The following TRPM7 variants were observed in gnomAD, a reference collection of about 807,000 sequenced individuals.
TRPM7 encodes the protein LTRPC ion channel family member 7.
In TRPM7, 134 loss-of-function variants were observed where a neutral mutation model predicts 229.7. The observed-to-expected ratio is 0.58, with a 90% CI of 0.51 to 0.67. The LOEUF is 0.67. Among genes scored for constraint, TRPM7 ranks in the 30% least tolerant of loss-of-function variants. The pLI is 0.00. For synonymous variants in TRPM7, 699 were observed against 715.2 expected, an observed-to-expected ratio of 0.98 and a Z score of 0.36; for missense variants, 1,901 against 2,210.0, an observed-to-expected ratio of 0.86 and a Z score of 2.80.
chr15:50,600,712 A>AT (rs991776811), intron 21 of TRPM7, among the ~76,000 whole-genome samples: 44 of 152,362 alleles, frequency 2.9e-4, no homozygotes, highest in African/African-American at 1.0e-3. Context: ...AAAGGGGACA[A>AT]TAAGTAGTCA....
chr15:50,641,465 C>G (rs1222772102), intron 5 of TRPM7, among the ~76,000 whole-genome samples: 1 of 152,254 alleles, frequency 6.6e-6, no homozygotes, highest in East Asian at 1.9e-4. Flanking sequence ...CAACTGTCAC[C>G]TTATCAGCTC....
chr15:50,626,989 C>T (rs571506781), intron 11 of TRPM7, among the ~76,000 whole-genome samples: 51 of 152,208 alleles, frequency 3.4e-4, no homozygotes, highest in African/African-American at 1.2e-3. Context: ...ACTGTGCATA[C>T]TTTTCTGCAA....
At chr15:50,672,188 G>C (rs886639386) in intron 1 of TRPM7, among the ~76,000 whole-genome samples, 2 of 151,874 alleles carry the variant, frequency 1.3e-5, no homozygotes, top group Non-Finnish European at 2.9e-5. Context: ...TGAGCAGCTG[G>C]GACTACAGGC....
Position 50,575,040 on chromosome 15 carries a change from T to C in TRPM7, c.4831A>G (p.Ile1611Val). The C allele has an allele frequency of 1.9e-6, 3 of 1,614,142 alleles. No homozygotes were observed. The highest frequency in any genetic ancestry group is 2.5e-6 in the Non-Finnish European group (3 of 1,179,990). The change falls in exon 34 of 39, where the codon ATA becomes GTA. Residue 1611 changes from isoleucine to valine, a missense_variant. By Grantham distance (29) the Ile-to-Val change is conservative. Coordinates refer to ENST00000646667, the MANE Select transcript of TRPM7 (RefSeq NM_017672.6). ...ATCTCCTCTTTGCTTAAAAACTCTA[T>C]TTTGGCACAGAGGCCTAGTTGTGAC... ...SWSQLGLCAK[I>V]EFLSKEEMGG...
At chr15:50,628,312 C>CT (rs374839323) in intron 10 of TRPM7, 63 bp from the exon 11 acceptor site, 87,637 of 918,210 alleles carry the variant, frequency 0.095, 396 homozygotes, top group African/African-American at 0.13. Flanking sequence ...AAGGTGAACA[C>CT]TTTTTTTTTT....
intron 1 of TRPM7, among the ~76,000 whole-genome samples, chr15:50,678,923 G>A (rs2062165583): frequency 6.6e-6 from 1 of 152,158 alleles, no homozygotes; most frequent in South Asian, 2.1e-4. Flanking sequence ...ACCCAGGCTG[G>A]AGTGCAATGG....
intron 1 of TRPM7, among the ~76,000 whole-genome samples, chr15:50,679,553 T>TTTTTTTTTTTTTTTA (rs2062198144): frequency 9.2e-6 from 1 of 108,960 alleles, no homozygotes; most frequent in African/African-American, 3.8e-5. Context: ...TTTTTTTTTT[T>TTTTTTTTTTTTTTTA]GAGACAGAGT....
chr15:50,604,926 C>G lies in TRPM7; in HGVS notation c.2928G>C (p.Leu976Phe). Residue 976 changes from leucine to phenylalanine, a missense_variant, in exon 21 of 39, where the codon TTG becomes TTC. Coordinates refer to ENST00000646667, the MANE Select transcript of TRPM7 (RefSeq NM_017672.6). ...CLNIIFWYVR[L>F]LDFLAVNQQA... ...GTTGATTTACAGCTAGAAAATCTAGCAAACGCACATACCAAAATATTATGT... is the reference window on the plus strand; with the variant it reads ...GTTGATTTACAGCTAGAAAATCTAGGAAACGCACATACCAAAATATTATGT... The G allele has an allele frequency of 6.2e-7, 1 of 1,613,026 alleles. No individual in the cohort carries two copies. The highest frequency in any genetic ancestry group is 8.5e-7 in the Non-Finnish European group (1 of 1,179,516).
At position 50,589,665 on chromosome 15, in the gene TRPM7, G is replaced by GA; in HGVS notation, c.4325-10dup. The stretch of plus-strand genomic sequence containing the variant: ...CATGCTATCTCTGTGTCCTTTAATA[G>GA]AAAAAAAGATGTTGCAATGAGAAAT... On this transcript the variant is annotated splice_polypyrimidine_tract_variant and intron_variant, in intron 26 of 38. Coordinates refer to ENST00000646667, the MANE Select transcript of TRPM7 (RefSeq NM_017672.6). 3 of 1,564,962 alleles carry GA rather than the reference G, an allele frequency of 1.9e-6. No homozygotes were observed. Among genetic ancestry groups the GA allele is most frequent in the Admixed American group, 2.0e-5 (1 of 51,216 alleles).
At chr15:50,578,102 T>G (rs923946256) in intron 31 of TRPM7, among the ~76,000 whole-genome samples, 1 of 152,160 alleles carries the variant, frequency 6.6e-6, no homozygotes, top group African/African-American at 2.4e-5. Flanking sequence ...GGAATGGAGA[T>G]ATAGGCAAAA....
chr15:50,619,764 A>C lies in TRPM7; in HGVS notation c.1475T>G (p.Leu492Arg). 1 of 1,598,584 alleles carries C rather than the reference A, an allele frequency of 6.3e-7. No homozygotes were observed. The highest frequency in any genetic ancestry group is 8.5e-7 in the Non-Finnish European group (1 of 1,175,552). ...TCTTACCTGTTTGACGTCTCGAACAAGATGAAACAGCATTGGATTAGTTGG... is the reference window on the plus strand; with the variant it reads ...TCTTACCTGTTTGACGTCTCGAACACGATGAAACAGCATTGGATTAGTTGG... ...QGPTNPMLFHLVRDVKQGNLP... is the reference protein window; with the variant it reads ...QGPTNPMLFHRVRDVKQGNLP... The change falls in exon 13 of 39, where the codon CTT becomes CGT. Residue 492 changes from leucine to arginine, a missense_variant. By Grantham distance (102) the Leu-to-Arg change is moderately radical (BLOSUM62 -2). Around this residue, in one of 8 missense-constraint regions of TRPM7, gnomAD observed 794 missense variants for 881.9 expected, o/e 0.90. Transcript: ENST00000646667.
chr15:50,612,871 C>T lies in TRPM7; in HGVS notation c.1771-42G>A, dbSNP rs201375956. The T allele has an allele frequency of 6.7e-5, 103 of 1,532,946 alleles. No individual in the cohort carries two copies. In the East Asian group the frequency reaches 2.2e-3, roughly 33 times the overall value. 95.0% of individuals were successfully genotyped at this position (1,532,946 alleles called of 1,614,324 possible). ...AGTTATAAAGCTCATTATAATAAGG[C>T]CATATGAAATTTATGTCAGTGAAAA... On this transcript the variant is annotated intron_variant, in intron 15 of 38. Transcript: ENST00000646667.
intron 12 of TRPM7, among the ~76,000 whole-genome samples, chr15:50,623,289 G>A (rs1008674025): frequency 3.3e-5 from 5 of 151,988 alleles, no homozygotes; most frequent in African/African-American, 1.2e-4. Flanking sequence ...GCACACGCCT[G>A]TAGTCCCAGC....
At chr15:50,623,239 C>G (rs2060462700) in intron 12 of TRPM7, among the ~76,000 whole-genome samples, 1 of 151,216 alleles carries the variant, frequency 6.6e-6, no homozygotes, top group Non-Finnish European at 1.5e-5. Context: ...TGGTGAAACC[C>G]CGACTCTACT....
At chr15:50,585,059 T>A (rs1190825425) in intron 28 of TRPM7, among the ~76,000 whole-genome samples, 1 of 140,990 alleles carries the variant, frequency 7.1e-6, no homozygotes, top group African/African-American at 2.7e-5. Flanking sequence ...TATTTTTTTT[T>A]TTTTTTTTTT....
At chr15:50,685,044 G>C (rs2062326525) in intron 1 of TRPM7, among the ~76,000 whole-genome samples, 1 of 152,206 alleles carries the variant, frequency 6.6e-6, no homozygotes, top group Non-Finnish European at 1.5e-5. Flanking sequence ...ATTTGTCTGG[G>C]ATTTGCTTTA....
chr15:50,598,505 G>T (rs1204487226), intron 22 of TRPM7, among the ~76,000 whole-genome samples: 1 of 152,114 alleles, frequency 6.6e-6, no homozygotes, highest in Non-Finnish European at 1.5e-5. Context: ...ATTCACACAG[G>T]ATCATTATTT....
At chr15:50,600,045 G>A (rs1006673344) in intron 21 of TRPM7, among the ~76,000 whole-genome samples, 3 of 152,172 alleles carry the variant, frequency 2.0e-5, no homozygotes, top group Non-Finnish European at 4.4e-5. Flanking sequence ...AAAGAATTAA[G>A]CAGAATGCTA....
In TRPM7 at chr15:50,630,176, T is replaced by C. The variant is rs540061693; in HGVS notation, c.1204+1241A>G. On this transcript the variant is annotated intron_variant, in intron 10 of 38. Coordinates refer to ENST00000646667, the MANE Select transcript of TRPM7 (RefSeq NM_017672.6). ...CGCACGCAGCCTTACTTTTTATTTT[T>C]ATGCACTCCCATTTATTAATTTTTT... is the stretch of plus-strand genomic sequence containing the variant. Among the ~76,000 whole-genome samples the C allele has an allele frequency of 3.9e-5, 6 of 152,256 alleles. No homozygotes were observed. The East Asian group carries it at 1.2e-3, about 29-fold the overall frequency.
Sources: allele counts gnomAD v4.1 joint callset (sites outside exome capture counted in the v4.1 genomes callset), GRCh38; gene constraint gnomAD v4.1.1; regional missense constraint gnomAD v4.1.1; transcripts MANE v1.5; gene names NCBI Gene and HGNC (gene_info 2026-07-23, HGNC 2026-07-21).